BBS9: variants seen among roughly 807,000 people sequenced by gnomAD.
The protein encoded by BBS9 is protein PTHB1.
Under a neutral mutation model 117.7 loss-of-function variants are expected in BBS9, and 89 were observed. That is an observed-to-expected ratio of 0.76 (90% CI 0.64 to 0.90). BBS9 has a LOEUF of 0.90. Among genes scored for constraint, BBS9 ranks in the 40% least tolerant of loss-of-function variants. The pLI is 0.00. For missense variants in BBS9, 982 were observed against 1,042.2 expected (o/e 0.94, Z 0.80); for synonymous variants, 379 against 370.9 (o/e 1.02, Z -0.25).
chr7:33,239,275 T>C (rs965245193), intron 5 of BBS9, among the ~76,000 whole-genome samples: 4 of 152,210 alleles, frequency 2.6e-5, no homozygotes, highest in Admixed American at 2.0e-4. Context: ...GGATTTAAAC[T>C]AAACTTTCTC....
intron 18 of BBS9, 115 bp from the exon 19 acceptor site, chr7:33,387,877 A>G (rs904466009): frequency 1.9e-5 from 22 of 1,133,682 alleles, no homozygotes; most frequent in Non-Finnish European, 2.5e-5. Flanking sequence ...TTAACTCTAT[A>G]ATGCATTTAA....
chr7:33,274,036 A>C, intron 9 of BBS9, 80 bp downstream of exon 9: 1 of 1,486,842 alleles, frequency 6.7e-7, no homozygotes, highest in South Asian at 1.2e-5. Context: ...AATAATGACA[A>C]GTGATTTTAT....
chr7:33,279,785 A>G (rs578258160), intron 9 of BBS9, among the ~76,000 whole-genome samples: 40 of 152,194 alleles, frequency 2.6e-4, no homozygotes, highest in African/African-American at 8.4e-4. Flanking sequence ...AGGTCAGACT[A>G]TGGGAAAATG....
At chr7:33,219,144 G>A (rs143770171) in intron 5 of BBS9, among the ~76,000 whole-genome samples, 5,717 of 152,292 alleles carry the variant, frequency 0.038, 193 homozygotes, top group African/African-American at 0.087. Context: ...GGGTATACTG[G>A]GTCCCCCAGC....
At chr7:33,294,303 A>ATCTATCTATCTATCTG (rs1804740247) in intron 9 of BBS9, among the ~76,000 whole-genome samples, 52 of 53,806 alleles carry the variant, frequency 9.7e-4, no homozygotes, top group African/African-American at 5.2e-3. Context: ...CTATCTATCT[A>ATCTATCTATCTATCTG]TCTATCTATC....
intron 5 of BBS9, among the ~76,000 whole-genome samples, chr7:33,244,179 G>A (rs1000637071): frequency 2.0e-5 from 3 of 152,162 alleles, no homozygotes; most frequent in Non-Finnish European, 4.4e-5. Context: ...GCAGTGAGCC[G>A]AGATTGTGCC....
intron 19 of BBS9, among the ~76,000 whole-genome samples, chr7:33,483,553 C>T (rs1483557336): frequency 6.6e-6 from 1 of 152,054 alleles, no homozygotes; most frequent in East Asian, 1.9e-4. Flanking sequence ...ATCTAGGAAA[C>T]ATTTTGATGT....
intron 21 of BBS9, among the ~76,000 whole-genome samples, chr7:33,618,342 C>G (rs570563411): frequency 1.7e-3 from 252 of 147,718 alleles, no homozygotes; most frequent in Middle Eastern, 6.9e-3. Flanking sequence ...AGAACCTTGT[C>G]TCAAAAAAAA....
At chr7:33,271,015 C>T (rs1205871722) in intron 7 of BBS9, among the ~76,000 whole-genome samples, 8 of 152,268 alleles carry the variant, frequency 5.3e-5, no homozygotes, top group South Asian at 2.1e-4. Flanking sequence ...GCGGACCTTT[C>T]GGCAGAAACC....
At chr7:33,548,569 T>C (rs1443374201) in intron 21 of BBS9, among the ~76,000 whole-genome samples, 1 of 141,492 alleles carries the variant, frequency 7.1e-6, no homozygotes, top group Non-Finnish European at 1.5e-5. Context: ...CATTGTTCAA[T>C]TCCCACCTAT....
At chr7:33,301,028 A>C (rs1172623704) in intron 9 of BBS9, among the ~76,000 whole-genome samples, 3 of 152,204 alleles carry the variant, frequency 2.0e-5, no homozygotes, top group Admixed American at 2.0e-4. Context: ...ATTATTGAGA[A>C]GTTAGCTATA....
chr7:33,483,785 G>A (rs1563238610), intron 19 of BBS9, among the ~76,000 whole-genome samples: 1 of 151,944 alleles, frequency 6.6e-6, no homozygotes, highest in African/African-American at 2.4e-5. Flanking sequence ...TACACGCCAT[G>A]CCCAGCTAAT....
intron 21 of BBS9, among the ~76,000 whole-genome samples, chr7:33,577,236 G>A (rs989044732): frequency 1.3e-5 from 2 of 152,140 alleles, no homozygotes; most frequent in East Asian, 1.9e-4. Context: ...CCAAAAGTGG[G>A]CAAAGGATAT....
intron 21 of BBS9, among the ~76,000 whole-genome samples, chr7:33,626,030 A>G (rs953763138): frequency 1.4e-4 from 21 of 152,208 alleles, no homozygotes; most frequent in African/African-American, 5.1e-4. Flanking sequence ...CTAAATTCAC[A>G]TTGAATTGTA....
chr7:33,174,598 C>T (rs961499487), intron 4 of BBS9, among the ~76,000 whole-genome samples: 2 of 152,152 alleles, frequency 1.3e-5, no homozygotes, highest in Admixed American at 1.3e-4. Flanking sequence ...CCGCCTTTGG[C>T]CAAAACTCGA....
chr7:33,326,406 C>G (rs1184362073), intron 9 of BBS9, among the ~76,000 whole-genome samples: 3 of 151,954 alleles, frequency 2.0e-5, no homozygotes, highest in South Asian at 4.2e-4. Context: ...AGGGCAGGTC[C>G]TAAAATGCTT....
intron 5 of BBS9, among the ~76,000 whole-genome samples, chr7:33,232,366 A>G (rs1449809122): frequency 1.3e-5 from 2 of 152,238 alleles, no homozygotes; most frequent in South Asian, 4.1e-4. Context: ...TTTAATACTA[A>G]AGTTTAGATA....
intron 1 of BBS9, among the ~76,000 whole-genome samples, chr7:33,144,637 T>G (rs1382330518): frequency 1.3e-5 from 2 of 152,236 alleles, no homozygotes; most frequent in Admixed American, 6.5e-5. Flanking sequence ...GTGTTTTCAC[T>G]GTTTAAAATG....
downstream of BBS9, among the ~76,000 whole-genome samples, chr7:33,610,962 A>G (rs1864824054): frequency 6.6e-6 from 1 of 152,080 alleles, no homozygotes; most frequent in Admixed American, 6.6e-5. Context: ...CAGCCACTCC[A>G]TGAATTGTCC....
Sources: gnomAD v4.1 joint callset for allele counts (sites outside exome capture counted in the v4.1 genomes callset) on GRCh38, gnomAD v4.1.1 for gene constraint, MANE v1.5 for transcripts, NCBI Gene and HGNC (gene_info 2026-07-23, HGNC 2026-07-21) for gene names.